DPYSL2: variants seen among roughly 807,000 people sequenced by gnomAD.
The protein encoded by DPYSL2 is dihydropyrimidinase-related protein 2.
A neutral mutation model predicts 69.9 loss-of-function variants in DPYSL2; 13 were observed. That is an observed-to-expected ratio of 0.19 (90% confidence interval 0.12 to 0.30). The LOEUF (loss-of-function observed/expected upper bound fraction) is 0.30. DPYSL2 is among the 10% of genes least tolerant of loss of function. The probability of loss-of-function intolerance (pLI) is 1.00; values close to 1 mark genes in which losing one functional copy is unlikely to be tolerated. For synonymous variants in DPYSL2, 326 were observed against 359.1 expected (o/e 0.91, Z 1.04); for missense variants, 587 against 918.9 (o/e 0.64, Z 4.67).
At position 26,643,396 on chromosome 8, in the gene DPYSL2, C is replaced by G. The variant is rs765051202; in HGVS notation, c.1127-43C>G. 3.9e-6 allele frequency: 6 copies of G among 1,536,352 alleles called. No homozygotes were observed. The African/African-American group carries it at 6.9e-5, about 18-fold the overall frequency. The stretch of plus-strand genomic sequence containing the variant: ...TCCTCATAGGGGTGGTTCCCTTCCC[C>G]CTGCATTGTGTTGGACTGAACCTTG... On this transcript the variant is annotated intron_variant, in intron 8 of 13. Coordinates refer to ENST00000521913, the MANE Select transcript of DPYSL2 (RefSeq NM_001197293.3). This position sits in a 1 kb window ranked among gnomAD's most constrained non-coding sequence, Gnocchi z 6.5.
Position 26,641,130 on chromosome 8 carries a change from C to A in DPYSL2, c.1127-2309C>A, listed in dbSNP as rs1042302288. Among the ~76,000 whole-genome samples the A allele has an allele frequency of 1.3e-5, 2 of 152,184 alleles. No individual in the cohort carries two copies. Among genetic ancestry groups the A allele is most frequent in the Non-Finnish European group, 2.9e-5 (2 of 68,026 alleles). The stretch of plus-strand genomic sequence containing the variant: ...CCAGCCCCTCCTTGTACTTAAGTTT[C>A]TAGAGGCAGGGCCGAGGAGCAGGCA... On this transcript the variant is annotated intron_variant, in intron 8 of 13. Transcript: ENST00000521913. The surrounding 1 kb of genome is among the most constrained non-coding windows in gnomAD (Gnocchi z 4.1).
rs1802609748 is a variant in DPYSL2 at position 26,626,298 on chromosome 8, A to G, written c.794-319A>G. ...TATTGTGAATAATTCTGCTATGAAC[A>G]TGGATGTGCAAACACTGGCAACTTT... On this transcript the variant is annotated intron_variant, in intron 4 of 13. Coordinates refer to ENST00000521913, the MANE Select transcript of DPYSL2 (RefSeq NM_001197293.3). The surrounding 1 kb of genome is among the most constrained non-coding windows in gnomAD (Gnocchi z 4.3). Among the ~76,000 whole-genome samples, 1 of 152,166 alleles carries G rather than the reference A, an allele frequency of 6.6e-6. No individual in the cohort carries two copies. Among genetic ancestry groups the G allele is most frequent in the African/African-American group, 2.4e-5 (1 of 41,434 alleles).
chr8:26,540,755 A>G (rs1269591534), intron 1 of DPYSL2, among the ~76,000 whole-genome samples: 1 of 152,032 alleles, frequency 6.6e-6, no homozygotes, highest in East Asian at 1.9e-4. Context: ...AAAATACAAA[A>G]TTACCTAGGC....
intron 1 of DPYSL2, among the ~76,000 whole-genome samples, chr8:26,535,837 T>G (rs1343750450): frequency 6.6e-6 from 1 of 152,042 alleles, no homozygotes; most frequent in Non-Finnish European, 1.5e-5. Context: ...GTTGTCCTTG[T>G]AAAGTATTGT....
rs1803092985 is a variant in DPYSL2, at chr8:26,643,290, G to A, written c.1127-149G>A. On this transcript the variant is annotated intron_variant, in intron 8 of 13. Coordinates refer to ENST00000521913, the MANE Select transcript of DPYSL2 (RefSeq NM_001197293.3). The surrounding 1 kb of genome is among the most constrained non-coding windows in gnomAD (Gnocchi z 6.5). ...AGGTACTGAATTTCTCCAAGTCTCA[G>A]TTTCCTCATCTGCGAGATGAGCCTG... 6.1e-6 allele frequency: 5 copies of A among 819,374 alleles called. No homozygotes were observed. Among genetic ancestry groups the A allele is most frequent in the Non-Finnish European group, 7.3e-6 (4 of 550,320 alleles). The allele number at this position is 819,374 out of a possible 1,614,324, so 50.8% of individuals were successfully genotyped here.
chr8:26,596,052 C>T (rs1486696825), intron 3 of DPYSL2, among the ~76,000 whole-genome samples: 1 of 151,962 alleles, frequency 6.6e-6, no homozygotes, highest in Non-Finnish European at 1.5e-5. Flanking sequence ...TAGGATGGGT[C>T]CATCCTTAAA....
Position 26,622,133 on chromosome 8 carries a change from CCTT to C in DPYSL2, c.629-2008_629-2006del, listed in dbSNP as rs1320986253. Among the ~76,000 whole-genome samples, 88 of 53,270 alleles carry C rather than the reference CCTT, an allele frequency of 1.7e-3. 4 individuals carry two copies. The highest frequency in any genetic ancestry group is 1.1e-3 in the Admixed American group (6 of 5,612). 34.9% of individuals were successfully genotyped at this position (53,270 alleles called of 152,430 possible). A position where few individuals can be genotyped will look rare whatever the true frequency, so the allele number is the denominator to read the frequency against. On this transcript the variant is annotated intron_variant, in intron 3 of 13. Transcript: ENST00000521913. ...TCCTTCCTTCCTTCCTTCCTTCCTT[CCTT>C]CCTTCCTTCCTTCCTTCCTTCCCTC...
At chr8:26,577,869 G>A in intron 1 of DPYSL2, 1 of 1,092,926 alleles carries the variant, frequency 9.1e-7, no homozygotes, top group Non-Finnish European at 1.1e-6. Context: ...TCTCGAAGCG[G>A]ATGGCTTTTG....
rs912158239 is a variant in DPYSL2 at position 26,517,930 on chromosome 8, C to G, written c.354+3251C>G. 6.6e-6 allele frequency among the ~76,000 whole-genome samples: 1 copy of G among 152,208 alleles called. No individual in the cohort carries two copies. Among genetic ancestry groups the G allele is most frequent in the African/African-American group, 2.4e-5 (1 of 41,450 alleles). On this transcript the variant is annotated intron_variant, in intron 1 of 13. Coordinates refer to ENST00000521913, the MANE Select transcript of DPYSL2 (RefSeq NM_001197293.3). This position sits in a 1 kb window ranked among gnomAD's most constrained non-coding sequence, Gnocchi z 4.2. ...CCTGGGAGCCCAGTGCTGTGCTGCCCTCTAACTGTACAACGTCATCCCTAC... is the reference window on the plus strand; with the variant it reads ...CCTGGGAGCCCAGTGCTGTGCTGCCGTCTAACTGTACAACGTCATCCCTAC...
chr8:26,622,081 C>CT (rs1290420004), intron 3 of DPYSL2, among the ~76,000 whole-genome samples: 2 of 131,560 alleles, frequency 1.5e-5, no homozygotes, highest in African/African-American at 5.4e-5. Flanking sequence ...TTTTTTCTTT[C>CT]TTTCTTTCTT....
At chr8:26,544,559 T>G (rs1008756251) in intron 1 of DPYSL2, among the ~76,000 whole-genome samples, 3 of 152,246 alleles carry the variant, frequency 2.0e-5, no homozygotes, top group Non-Finnish European at 4.4e-5. Context: ...AAGCTACACA[T>G]GTAACAACGG....
At chr8:26,604,951 T>G (rs1802077218) in intron 3 of DPYSL2, among the ~76,000 whole-genome samples, 1 of 152,172 alleles carries the variant, frequency 6.6e-6, no homozygotes, top group Admixed American at 6.5e-5. Context: ...TGAGCCACTG[T>G]GCCTGGCCAC....
At chr8:26,631,805 C>T (rs1802781848) in intron 7 of DPYSL2, among the ~76,000 whole-genome samples, 1 of 152,072 alleles carries the variant, frequency 6.6e-6, no homozygotes, top group Non-Finnish European at 1.5e-5. Context: ...TGGATAGTGG[C>T]AGAGCGTGAT....
chr8:26,588,612 G>A lies in DPYSL2; in HGVS notation c.628+4629G>A, dbSNP rs528526824. 6.6e-6 allele frequency among the ~76,000 whole-genome samples: 1 copy of A among 152,260 alleles called. No homozygotes were observed. Among genetic ancestry groups the A allele is most frequent in the South Asian group, 2.1e-4 (1 of 4,820 alleles). ...TGGGTAGCACCGCACAGCAGAGATG[G>A]GGACTGGACTCTAGCAGGGAGGAGG... On this transcript the variant is annotated intron_variant, in intron 3 of 13. Transcript: ENST00000521913. The surrounding 1 kb of genome is among the most constrained non-coding windows in gnomAD (Gnocchi z 5.4).
chr8:26,589,126 G>A (rs543613412), intron 3 of DPYSL2, among the ~76,000 whole-genome samples: 3 of 152,260 alleles, frequency 2.0e-5, no homozygotes, highest in South Asian at 2.1e-4. Flanking sequence ...AACCCTCCAC[G>A]ACGCGGCCTA....
chr8:26,556,029 T>A lies in DPYSL2; in HGVS notation c.355-25940T>A, dbSNP rs1421022084. On this transcript the variant is annotated intron_variant, in intron 1 of 13. Transcript: ENST00000521913. ...TATATTATATATATAAATATATATATAAGTATATATATAGTTTATAGTATA... is the reference window on the plus strand; with the variant it reads ...TATATTATATATATAAATATATATAAAAGTATATATATAGTTTATAGTATA... Among the ~76,000 whole-genome samples the A allele has an allele frequency of 7.8e-5, 8 of 102,930 alleles. No individual in the cohort carries two copies. The East Asian group carries it at 1.8e-3, about 23-fold the overall frequency. 67.5% of individuals were successfully genotyped at this position (102,930 alleles called of 152,430 possible).
At chr8:26,520,198 G>A (rs1456963172) in intron 1 of DPYSL2, among the ~76,000 whole-genome samples, 1 of 152,106 alleles carries the variant, frequency 6.6e-6, no homozygotes, top group African/African-American at 2.4e-5. Flanking sequence ...ATGATTGTGA[G>A]GCCTCCCCAG....
At position 26,514,154 on chromosome 8, in the gene DPYSL2, C is replaced by G; in HGVS notation, c.-172C>G. Reference sequence around the variant, plus strand: ...GAGAAGCGGGGTCAGGGGGAGGGACCGGGAGGGTGGGTCGCCGGCTCGCCA... The same window carrying G: ...GAGAAGCGGGGTCAGGGGGAGGGACGGGGAGGGTGGGTCGCCGGCTCGCCA... On this transcript the variant is annotated 5_prime_UTR_variant, in exon 1 of 14. Coordinates refer to ENST00000521913, the MANE Select transcript of DPYSL2 (RefSeq NM_001197293.3). This position sits in a 1 kb window ranked among gnomAD's most constrained non-coding sequence, Gnocchi z 8.4. 2.0e-6 allele frequency: 1 copy of G among 488,368 alleles called. No individual in the cohort carries two copies. The highest frequency in any genetic ancestry group is 4.4e-5 in the Admixed American group (1 of 22,866). The allele number at this position is 488,368 out of a possible 1,614,324, so 30.3% of individuals were successfully genotyped here. A position where few individuals can be genotyped will look rare whatever the true frequency, so the allele number is the denominator to read the frequency against.
intron 7 of DPYSL2, among the ~76,000 whole-genome samples, chr8:26,631,413 A>T (rs573321959): frequency 2.0e-5 from 3 of 152,294 alleles, no homozygotes; most frequent in African/African-American, 7.2e-5. Context: ...CTCACTCATT[A>T]TCACAAGATC....
Sources: gnomAD v4.1 joint callset for allele counts (sites outside exome capture counted in the v4.1 genomes callset) on GRCh38, gnomAD v4.1.1 for gene constraint, Gnocchi (gnomAD v3.1) non-coding constraint, MANE v1.5 for transcripts, NCBI Gene and HGNC (gene_info 2026-07-23, HGNC 2026-07-21) for gene names.